Variants in DNAJC5B observed in about 807,000 individuals in gnomAD.
DNAJC5B encodes the protein DnaJ heat shock protein family (Hsp40) member C5 beta, also known as dnaJ homolog subfamily C member 5B.
A neutral mutation model predicts 24.7 loss-of-function variants in DNAJC5B; 23 were observed. That is an observed-to-expected ratio of 0.93 (90% CI 0.67 to 1.32). DNAJC5B has a LOEUF of 1.32. Among genes scored for constraint, DNAJC5B ranks in the 40% most tolerant of loss-of-function variants. DNAJC5B has a pLI of 0.00. For missense variants in DNAJC5B, 238 were observed against 240.8 expected (o/e 0.99, Z 0.08); for synonymous variants, 101 against 90.1 (o/e 1.12, Z -0.68).
chr8:66,031,415 G>C (rs1806358481), intron 1 of DNAJC5B, among the ~76,000 whole-genome samples: 1 of 152,128 alleles, frequency 6.6e-6, no homozygotes, highest in South Asian at 2.1e-4. Flanking sequence ...TTCTTGCTTA[G>C]TTTTGACATA....
At chr8:66,022,027 A>G (rs1028757847) in intron 1 of DNAJC5B, among the ~76,000 whole-genome samples, 2 of 152,210 alleles carry the variant, frequency 1.3e-5, no homozygotes, top group Admixed American at 6.5e-5. Flanking sequence ...AAAAGTAATA[A>G]AAGGTGCAAA....
intron 1 of DNAJC5B, among the ~76,000 whole-genome samples, chr8:66,027,190 G>A (rs576742530): frequency 1.3e-5 from 2 of 152,332 alleles, no homozygotes; most frequent in East Asian, 3.9e-4. Context: ...TAAATGTGAT[G>A]TGGATGGTAG....
chr8:66,051,849 A>C (rs1052192032), intron 3 of DNAJC5B, among the ~76,000 whole-genome samples, 183 bp downstream of exon 3: 6 of 152,134 alleles, frequency 3.9e-5, no homozygotes, highest in African/African-American at 1.4e-4. Context: ...TTATGAAAGA[A>C]CTCACTGATG....
At chr8:66,046,092 C>T (rs1806717315) in intron 2 of DNAJC5B, among the ~76,000 whole-genome samples, 1 of 152,082 alleles carries the variant, frequency 6.6e-6, no homozygotes, top group Admixed American at 6.5e-5. Flanking sequence ...TAGCCCTGAG[C>T]CACAGGGCTT....
At chr8:66,052,106 G>A (rs979679225) in intron 3 of DNAJC5B, among the ~76,000 whole-genome samples, 5 of 151,200 alleles carry the variant, frequency 3.3e-5, no homozygotes, top group African/African-American at 1.2e-4. Context: ...TGGGATTACA[G>A]ACACCCAGCT....
At chr8:66,060,170 G>A (rs1011433552) in intron 3 of DNAJC5B, among the ~76,000 whole-genome samples, 2 of 152,186 alleles carry the variant, frequency 1.3e-5, no homozygotes, top group East Asian at 1.9e-4. Context: ...CTCAGGGGGT[G>A]AGCCAGACAC....
intron 2 of DNAJC5B, among the ~76,000 whole-genome samples, chr8:66,047,784 G>A (rs1806754317): frequency 6.6e-6 from 1 of 152,168 alleles, no homozygotes; most frequent in African/African-American, 2.4e-5. Context: ...AGAGTATGGT[G>A]GTGCAGGGAC....
At chr8:66,061,348 T>A (rs1807076319) in intron 3 of DNAJC5B, among the ~76,000 whole-genome samples, 1 of 152,186 alleles carries the variant, frequency 6.6e-6, no homozygotes, top group Non-Finnish European at 1.5e-5. Flanking sequence ...TTTCTCAGCC[T>A]CATTCTCTTC....
rs1807471662 is a variant in DNAJC5B at position 66,076,715 on chromosome 8, G to A, written c.175G>A (p.Glu59Lys). ...DKNPDDPAAT[E>K]KFKEINNAHA... The stretch of plus-strand genomic sequence containing the variant: ...GAATCCAGATGATCCAGCTGCTACT[G>A]AGAAGTTTAAAGAAATCAACAACGC... Residue 59 changes from glutamate (E) to lysine (K), a missense_variant, in exon 4 of 6, where the codon GAG (glutamate) becomes AAG (lysine). Physicochemically the swap from Glu to Lys is moderately conservative, Grantham distance 56. Transcript: ENST00000276570. 1 of 1,614,140 alleles carries A rather than the reference G, an allele frequency of 6.2e-7. No homozygotes were observed. Among genetic ancestry groups the A allele is most frequent in the African/African-American group, 1.3e-5 (1 of 75,044 alleles).
intron 3 of DNAJC5B, among the ~76,000 whole-genome samples, chr8:66,055,621 T>G: frequency 7.1e-6 from 1 of 140,646 alleles, no homozygotes; most frequent in East Asian, 1.9e-4. Flanking sequence ...TTGTATACCC[T>G]TCTAGAGAGA....
At chr8:66,035,208 T>C (rs1203741074) in intron 1 of DNAJC5B, among the ~76,000 whole-genome samples, 2 of 152,118 alleles carry the variant, frequency 1.3e-5, no homozygotes, top group African/African-American at 4.8e-5. Flanking sequence ...TCCCTGGAAA[T>C]CTAGTTATTA....
intron 5 of DNAJC5B, among the ~76,000 whole-genome samples, chr8:66,088,693 G>A (rs926623891): frequency 6.6e-6 from 1 of 152,008 alleles, no homozygotes; most frequent in Non-Finnish European, 1.5e-5. Context: ...CATCTCTTTC[G>A]AGTTCAAGGT....
intron 5 of DNAJC5B, among the ~76,000 whole-genome samples, chr8:66,092,591 C>T (rs1807870064): frequency 6.6e-6 from 1 of 152,102 alleles, no homozygotes; most frequent in South Asian, 2.1e-4. Flanking sequence ...AAGAATGTTA[C>T]CATCACCTTT....
chr8:66,053,112 CT>C (rs1016240925), intron 3 of DNAJC5B, among the ~76,000 whole-genome samples: 2 of 151,854 alleles, frequency 1.3e-5, no homozygotes, highest in Non-Finnish European at 2.9e-5. Flanking sequence ...TTTAAAATTA[CT>C]TTTTTAAAAA....
chr8:66,063,293 A>G (rs1265937379), intron 3 of DNAJC5B, among the ~76,000 whole-genome samples: 2 of 152,238 alleles, frequency 1.3e-5, no homozygotes, highest in East Asian at 3.8e-4. Flanking sequence ...CATTTCCATA[A>G]TAATCTGTGG....
At chr8:66,029,722 T>C (rs925376326) in intron 1 of DNAJC5B, among the ~76,000 whole-genome samples, 20 of 152,104 alleles carry the variant, frequency 1.3e-4, no homozygotes, top group Non-Finnish European at 2.8e-4. Context: ...CGGCCTGGTT[T>C]AAATGGAGAG....
chr8:66,014,997 A>G, the DNAJC5B span, among the ~76,000 whole-genome samples: 1 of 152,168 alleles, frequency 6.6e-6, no homozygotes, highest in South Asian at 2.1e-4. Context: ...GAACATACAG[A>G]TAACGGCAAG....
At chr8:66,091,760 AAG>A (rs1268293101) in intron 5 of DNAJC5B, among the ~76,000 whole-genome samples, 4 of 152,138 alleles carry the variant, frequency 2.6e-5, no homozygotes, top group African/African-American at 9.7e-5. Context: ...AAAGGGGAAA[AAG>A]GACTTGAGAG....
chr8:66,079,805 G>C (rs1459963202), intron 4 of DNAJC5B, among the ~76,000 whole-genome samples: 2 of 152,210 alleles, frequency 1.3e-5, no homozygotes, highest in Non-Finnish European at 2.9e-5. Context: ...CTGCTGAAGT[G>C]TCCAGACTAG....
Sources: allele counts gnomAD v4.1 joint callset (sites outside exome capture counted in the v4.1 genomes callset), GRCh38; gene constraint gnomAD v4.1.1; transcripts MANE v1.5; gene names NCBI Gene and HGNC (gene_info 2026-07-23, HGNC 2026-07-21).